The following SNTG1 variants were observed in gnomAD, a reference collection of about 807,000 sequenced individuals.
SNTG1 encodes the protein gamma-1-syntrophin.
Under a neutral mutation model 74.7 loss-of-function variants are expected in SNTG1, and 39 were observed. That is an observed-to-expected ratio of 0.52 (90% CI 0.40 to 0.68). SNTG1 has a LOEUF of 0.68. Among genes scored for constraint, SNTG1 ranks in the 30% least tolerant of loss-of-function variants. The probability of loss-of-function intolerance (pLI) is 0.00; values close to 1 mark genes in which losing one functional copy is unlikely to be tolerated. For synonymous variants in SNTG1, 254 were observed against 217.1 expected (o/e 1.17, Z -1.49); for missense variants, 685 against 609.5 (o/e 1.12, Z -1.30).
chr8:50,641,259 T>C (rs1264876651), intron 13 of SNTG1, among the ~76,000 whole-genome samples: 1 of 152,202 alleles, frequency 6.6e-6, no homozygotes, highest in African/African-American at 2.4e-5. Context: ...TGCTGTCACC[T>C]TAAGCCTCCA....
Position 50,241,792 on chromosome 8 carries a change from A to C in SNTG1, c.-28+69157A>C, listed in dbSNP as rs1230401134. Among the ~76,000 whole-genome samples, 3 of 152,276 alleles carry C rather than the reference A, an allele frequency of 2.0e-5. No individual in the cohort carries two copies. The East Asian group carries it at 5.8e-4, about 29-fold the overall frequency. On this transcript the variant is annotated intron_variant, in intron 2 of 18. Transcript: ENST00000642720. ...GCCAGATGGGATGATAATGAACTTTACAATTATGCAGTAATTCCTCTTCTC... is the reference window on the plus strand; with the variant it reads ...GCCAGATGGGATGATAATGAACTTTCCAATTATGCAGTAATTCCTCTTCTC...
intron 1 of SNTG1, among the ~76,000 whole-genome samples, chr8:49,930,920 C>A (rs1251976340): frequency 6.6e-6 from 1 of 152,048 alleles, no homozygotes; most frequent in Admixed American, 6.6e-5. Flanking sequence ...ACATCTATAG[C>A]AAATGATACA....
chr8:50,376,750 TATATATAGAGAGAGAGAG>T (rs1185865715), intron 2 of SNTG1, among the ~76,000 whole-genome samples: 2 of 102,780 alleles, frequency 1.9e-5, no homozygotes, highest in African/African-American at 3.3e-5. Flanking sequence ...TATATATATA[TATATATAGAGAGAGAGAG>T]AGAGAGAGAG....
At chr8:50,270,355 A>G (rs2087715690) in intron 2 of SNTG1, among the ~76,000 whole-genome samples, 1 of 152,210 alleles carries the variant, frequency 6.6e-6, no homozygotes. Context: ...ATATAGAAAG[A>G]AAAAGAAACA....
At chr8:50,196,123 G>A (rs558193680) in intron 2 of SNTG1, among the ~76,000 whole-genome samples, 2 of 152,266 alleles carry the variant, frequency 1.3e-5, no homozygotes, top group Admixed American at 1.3e-4. Context: ...GAAGTTGATG[G>A]AATTGTCCCA....
At chr8:49,951,642 A>C (rs1008664396) in intron 1 of SNTG1, among the ~76,000 whole-genome samples, 1 of 151,490 alleles carries the variant, frequency 6.6e-6, no homozygotes, top group Non-Finnish European at 1.5e-5. Flanking sequence ...TAGCATTGGG[A>C]GATATACCTA....
chr8:50,271,210 C>T (rs891755028), intron 2 of SNTG1, among the ~76,000 whole-genome samples: 1 of 152,168 alleles, frequency 6.6e-6, no homozygotes, highest in African/African-American at 2.4e-5. Context: ...TTTGGTATAT[C>T]ATCCCTAACC....
chr8:50,207,461 T>A (rs1464277737), intron 2 of SNTG1, among the ~76,000 whole-genome samples: 1 of 152,168 alleles, frequency 6.6e-6, no homozygotes, highest in Non-Finnish European at 1.5e-5. Flanking sequence ...TCTCTTTTCT[T>A]CTTTATTAGT....
intron 5 of SNTG1, among the ~76,000 whole-genome samples, chr8:50,439,604 C>T (rs2093338690): frequency 6.6e-6 from 1 of 151,578 alleles, no homozygotes; most frequent in East Asian, 1.9e-4. Flanking sequence ...CAAAGTGAAA[C>T]TTTATCTTAT....
chr8:50,089,968 T>C (rs1292795555), intron 1 of SNTG1, among the ~76,000 whole-genome samples: 1 of 152,200 alleles, frequency 6.6e-6, no homozygotes, highest in Non-Finnish European at 1.5e-5. Context: ...GAATGTTTAT[T>C]GCGGCATTAT....
chr8:50,583,525 T>C (rs903293231), intron 12 of SNTG1, among the ~76,000 whole-genome samples: 2 of 152,092 alleles, frequency 1.3e-5, no homozygotes, highest in Non-Finnish European at 2.9e-5. Flanking sequence ...TCAGCCTCAG[T>C]TCCTTTTTGC....
At chr8:50,708,762 C>T (rs191642287) in intron 16 of SNTG1, 124 bp from the exon 17 acceptor site, 1 of 602,224 alleles carries the variant, frequency 1.7e-6, no homozygotes, top group East Asian at 2.8e-5. Flanking sequence ...CTTCTTTATA[C>T]AATTATTGTT....
At chr8:49,937,382 C>A (rs970797751) in intron 1 of SNTG1, among the ~76,000 whole-genome samples, 6 of 152,228 alleles carry the variant, frequency 3.9e-5, no homozygotes, top group South Asian at 2.1e-4. Context: ...TGGGGTTCAG[C>A]GTGCTGATAA....
At chr8:50,626,877 A>T (rs1443737214) in intron 13 of SNTG1, among the ~76,000 whole-genome samples, 2 of 152,162 alleles carry the variant, frequency 1.3e-5, no homozygotes, top group Non-Finnish European at 2.9e-5. Flanking sequence ...ACAGGACTGG[A>T]AAGGGCAAAT....
chr8:50,714,423 ATGTTCATG>A (rs2095470340), intron 17 of SNTG1, among the ~76,000 whole-genome samples: 1 of 151,946 alleles, frequency 6.6e-6, no homozygotes, highest in Admixed American at 6.6e-5. Flanking sequence ...AAAAAATTCC[ATGTTCATG>A]GATAGGAAGA....
In SNTG1 at chr8:50,260,864, G is replaced by C. The variant is rs148371719; in HGVS notation, c.-28+88229G>C. On this transcript the variant is annotated intron_variant, in intron 2 of 18. Coordinates refer to ENST00000642720, the MANE Select transcript of SNTG1 (RefSeq NM_018967.5). ...AACATGATTGAAGAAAGGAGATCAT[G>C]GAACATGAAAGTTTTTCTGTAGAAA... Among the ~76,000 whole-genome samples the C allele has an allele frequency of 4.6e-5, 7 of 152,126 alleles. No individual in the cohort carries two copies. In the East Asian group the frequency reaches 1.2e-3, roughly 25 times the overall value.
chr8:50,745,931 A>C (rs2095554139), intron 17 of SNTG1, among the ~76,000 whole-genome samples: 1 of 151,960 alleles, frequency 6.6e-6, no homozygotes, highest in South Asian at 2.1e-4. Flanking sequence ...TGAAAAAAAT[A>C]TTCTGTAAAT....
At chr8:50,404,561 G>GTAA (rs2092846880) in intron 4 of SNTG1, among the ~76,000 whole-genome samples, 1 of 151,566 alleles carries the variant, frequency 6.6e-6, no homozygotes, top group Non-Finnish European at 1.5e-5. Context: ...ATAAATTCAG[G>GTAA]CATAGCAATC....
intron 2 of SNTG1, among the ~76,000 whole-genome samples, chr8:50,199,091 G>A (rs1357112279): frequency 6.6e-6 from 1 of 152,100 alleles, no homozygotes; most frequent in Admixed American, 6.6e-5. Context: ...GAAGACGGTG[G>A]AAGATAGTTT....
Sources: gnomAD v4.1 joint callset for allele counts (sites outside exome capture counted in the v4.1 genomes callset) on GRCh38, gnomAD v4.1.1 for gene constraint, MANE v1.5 for transcripts, NCBI Gene and HGNC (gene_info 2026-07-23, HGNC 2026-07-21) for gene names.